The following PDZRN3 variants were observed in gnomAD, a reference collection of about 807,000 sequenced individuals.
The protein encoded by PDZRN3 is E3 ubiquitin-protein ligase PDZRN3.
PDZRN3 carries 38 observed loss-of-function variants against 85.7 expected under a neutral mutation model. That is an observed-to-expected ratio of 0.44 (90% CI 0.34 to 0.58). PDZRN3 has a LOEUF of 0.58. Among genes scored for constraint, PDZRN3 ranks in the 20% least tolerant of loss-of-function variants. The probability of loss-of-function intolerance (pLI) is 0.01; values close to 1 mark genes in which losing one functional copy is unlikely to be tolerated. For synonymous variants in PDZRN3, 759 were observed against 638.0 expected (o/e 1.19, Z -2.86); for missense variants, 1,629 against 1,506.4 (o/e 1.08, Z -1.35).
Position 73,481,070 on chromosome 3 carries a change from G to C in PDZRN3, c.919-76675C>G, listed in dbSNP as rs1703551564. On this transcript the variant is annotated intron_variant, in intron 3 of 9. Coordinates refer to ENST00000263666, the MANE Select transcript of PDZRN3 (RefSeq NM_015009.3). Reference sequence around the variant, plus strand: ...CCACAGTCATGTTTAGTAAATGGCAGAGTTGCAATGTGGCCCCAGCCTGTA... The same window carrying C: ...CCACAGTCATGTTTAGTAAATGGCACAGTTGCAATGTGGCCCCAGCCTGTA... Among the ~76,000 whole-genome samples, 3 of 152,218 alleles carry C rather than the reference G, an allele frequency of 2.0e-5. No individual in the cohort carries two copies. The South Asian group carries it at 6.2e-4, about 32-fold the overall frequency.
intron 3 of PDZRN3, among the ~76,000 whole-genome samples, chr3:73,425,603 A>G (rs982923419): frequency 5.3e-5 from 8 of 150,818 alleles, no homozygotes; most frequent in Non-Finnish European, 7.4e-5. Flanking sequence ...ATAAGAAGAA[A>G]AAAAAAAAAA....
intron 6 of PDZRN3, among the ~76,000 whole-genome samples, chr3:73,390,626 G>GA (rs113568549): frequency 0.022 from 2,401 of 109,938 alleles, 63 homozygotes; most frequent in African/African-American, 0.075. Flanking sequence ...TCCACCAAGA[G>GA]AAAAAAAAAT....
chr3:73,588,540 G>A (rs1702309304), intron 3 of PDZRN3, among the ~76,000 whole-genome samples: 1 of 152,096 alleles, frequency 6.6e-6, no homozygotes, highest in African/African-American at 2.4e-5. Flanking sequence ...GCCCTCCTCA[G>A]TCCTGTTTCC....
intron 3 of PDZRN3, among the ~76,000 whole-genome samples, chr3:73,526,026 C>T (rs1473115779): frequency 6.6e-6 from 1 of 152,196 alleles, no homozygotes; most frequent in Admixed American, 6.5e-5. Flanking sequence ...ATTGTCGGCT[C>T]CCAATCTCAG....
chr3:73,570,089 A>G (rs1272059626), intron 3 of PDZRN3, among the ~76,000 whole-genome samples: 4 of 152,054 alleles, frequency 2.6e-5, no homozygotes, highest in Non-Finnish European at 4.4e-5. Context: ...CACATTATAT[A>G]TTTGGTCTCG....
chr3:73,573,829 ATATACATATACATATACATATACG>A (rs1702079359), intron 3 of PDZRN3, among the ~76,000 whole-genome samples: 1 of 62,604 alleles, frequency 1.6e-5, no homozygotes, highest in South Asian at 4.2e-4. Flanking sequence ...ATACATATAC[ATATACATATACATATACATATACG>A]GTCCTTACCA....
chr3:73,407,827 T>C (rs1301756968), intron 3 of PDZRN3, among the ~76,000 whole-genome samples: 2 of 152,170 alleles, frequency 1.3e-5, no homozygotes, highest in Non-Finnish European at 1.5e-5. Context: ...TGAGGCATAC[T>C]CAATTACAAA....
At chr3:73,422,213 A>G (rs148881799) in intron 3 of PDZRN3, among the ~76,000 whole-genome samples, 42 of 152,292 alleles carry the variant, frequency 2.8e-4, no homozygotes, top group African/African-American at 1.0e-3. Flanking sequence ...TTTTAATGGA[A>G]TGAGTGACAG....
At chr3:73,534,859 G>A (rs1182922529) in intron 3 of PDZRN3, among the ~76,000 whole-genome samples, 1 of 152,136 alleles carries the variant, frequency 6.6e-6, no homozygotes, top group Non-Finnish European at 1.5e-5. Flanking sequence ...AAACACTTCT[G>A]GTTTACAAAG....
chr3:73,466,374 TGTG>T (rs1703214745), intron 3 of PDZRN3, among the ~76,000 whole-genome samples: 1 of 151,112 alleles, frequency 6.6e-6, no homozygotes, highest in Non-Finnish European at 1.5e-5. Flanking sequence ...CCTGCAAATC[TGTG>T]GTCTTAACAA....
At chr3:73,404,925 T>TTA (rs1222336311) in intron 3 of PDZRN3, among the ~76,000 whole-genome samples, 2 of 152,182 alleles carry the variant, frequency 1.3e-5, no homozygotes, top group Non-Finnish European at 2.9e-5. Flanking sequence ...TGGCAAGTTA[T>TTA]TATGGAGAAG....
At chr3:73,515,029 T>A (rs1196738488) in intron 3 of PDZRN3, among the ~76,000 whole-genome samples, 1 of 152,098 alleles carries the variant, frequency 6.6e-6, no homozygotes, top group Admixed American at 6.6e-5. Context: ...TTTTCTAACA[T>A]GAATAACCAC....
intron 3 of PDZRN3, among the ~76,000 whole-genome samples, chr3:73,531,250 C>CAAAA (rs60520136): frequency 3.4e-4 from 22 of 63,900 alleles, no homozygotes; most frequent in African/African-American, 1.1e-3. Context: ...GACTTCGTCT[C>CAAAA]AAAAAAAAAA....
intron 3 of PDZRN3, among the ~76,000 whole-genome samples, chr3:73,437,539 T>A (rs987858458): frequency 2.0e-5 from 3 of 152,158 alleles, no homozygotes; most frequent in Admixed American, 1.3e-4. Context: ...GGTACTTTGG[T>A]GAGTCTGGTG....
chr3:73,597,552 C>A (rs536054236), intron 3 of PDZRN3, among the ~76,000 whole-genome samples: 2 of 152,182 alleles, frequency 1.3e-5, no homozygotes, highest in African/African-American at 4.8e-5. Context: ...TTAACCCACG[C>A]AATCACTACA....
At chr3:73,423,961 C>T (rs1043569538) in intron 3 of PDZRN3, among the ~76,000 whole-genome samples, 13 of 152,010 alleles carry the variant, frequency 8.6e-5, no homozygotes, top group East Asian at 5.8e-4. Context: ...GGCATTTCCC[C>T]GTGACGAGGA....
At chr3:73,562,828 C>T (rs1485794568) in intron 3 of PDZRN3, among the ~76,000 whole-genome samples, 1 of 151,426 alleles carries the variant, frequency 6.6e-6, no homozygotes, top group African/African-American at 2.4e-5. Context: ...TTCCAAGATG[C>T]ACTTCTCACA....
chr3:73,395,041 G>A (rs924559714), intron 5 of PDZRN3, among the ~76,000 whole-genome samples: 1 of 152,208 alleles, frequency 6.6e-6, no homozygotes, highest in Non-Finnish European at 1.5e-5. Context: ...GAATGAGCTT[G>A]AGAGTCCAAG....
intron 8 of PDZRN3, among the ~76,000 whole-genome samples, chr3:73,386,997 T>C (rs1355203185): frequency 6.6e-6 from 1 of 152,210 alleles, no homozygotes; most frequent in Admixed American, 6.5e-5. Context: ...GGGGCAGTTT[T>C]CCCCATACTG....
Sources: gnomAD v4.1 joint callset for allele counts (sites outside exome capture counted in the v4.1 genomes callset) on GRCh38, gnomAD v4.1.1 for gene constraint, MANE v1.5 for transcripts, NCBI Gene and HGNC (gene_info 2026-07-23, HGNC 2026-07-21) for gene names.